The following C1GALT1 variants were observed in gnomAD, a reference collection of about 807,000 sequenced individuals.
C1GALT1 encodes glycoprotein-N-acetylgalactosamine 3-beta-galactosyltransferase 1.
In C1GALT1, 11 loss-of-function variants were observed where a neutral mutation model predicts 31.0. The observed-to-expected ratio is 0.36, with a 90% CI of 0.22 to 0.59. C1GALT1 has a LOEUF of 0.59. Among genes scored for constraint, C1GALT1 ranks in the 20% least tolerant of loss-of-function variants. The pLI, the probability that C1GALT1 is intolerant of heterozygous loss-of-function variation, is 0.79. For missense variants in C1GALT1, 424 were observed against 425.2 expected (o/e 1.00, Z 0.03); for synonymous variants, 175 against 143.6 (o/e 1.22, Z -1.56).
At chr7:7,202,025 T>C (rs1781549620) in intron 1 of C1GALT1, among the ~76,000 whole-genome samples, 1 of 152,246 alleles carries the variant, frequency 6.6e-6, no homozygotes, top group Non-Finnish European at 1.5e-5. Context: ...AGGGCTCTTC[T>C]GCTTCTTCCT....
At chr7:7,170,533 A>G (rs1421261805) in intron 2 of C1GALT1, among the ~76,000 whole-genome samples, 1 of 152,226 alleles carries the variant, frequency 6.6e-6, no homozygotes, top group Non-Finnish European at 1.5e-5. Flanking sequence ...CTGTAATCCC[A>G]GCACTTTGGG....
intron 1 of C1GALT1, among the ~76,000 whole-genome samples, chr7:7,199,814 T>G (rs1204158236): frequency 1.3e-5 from 2 of 152,244 alleles, no homozygotes; most frequent in Non-Finnish European, 2.9e-5. Flanking sequence ...TTGTCTCTTT[T>G]GATCTTTGTT....
upstream of C1GALT1, among the ~76,000 whole-genome samples, chr7:7,180,489 T>C (rs1365101463): frequency 6.6e-6 from 1 of 151,720 alleles, no homozygotes; most frequent in Non-Finnish European, 1.5e-5. Context: ...GTATGCAACT[T>C]TTAAAAATGA....
chr7:7,225,288 A>G (rs533630370), intron 1 of C1GALT1, among the ~76,000 whole-genome samples: 3 of 152,300 alleles, frequency 2.0e-5, no homozygotes, highest in Admixed American at 6.5e-5. Flanking sequence ...ATTGTTTCCA[A>G]ACTGTTTCTT....
chr7:7,224,562 G>C (rs1429421901), intron 1 of C1GALT1, among the ~76,000 whole-genome samples: 1 of 152,016 alleles, frequency 6.6e-6, no homozygotes, highest in Non-Finnish European at 1.5e-5. Context: ...TGAGTGAATT[G>C]TGATGGTTTA....
intron 2 of C1GALT1, among the ~76,000 whole-genome samples, chr7:7,172,290 G>C (rs1352995889): frequency 1.3e-5 from 2 of 152,098 alleles, no homozygotes; most frequent in African/African-American, 4.8e-5. Flanking sequence ...TGGCTTCCAT[G>C]TTTTCTGATA....
At chr7:7,239,056 C>T (rs1424598740) in intron 3 of C1GALT1, 134 bp downstream of exon 3, 3 of 715,646 alleles carry the variant, frequency 4.2e-6, no homozygotes, top group Non-Finnish European at 4.5e-6. Context: ...AATAGAGTGG[C>T]AGTATAACAA....
At chr7:7,194,543 T>C (rs988101746) in intron 1 of C1GALT1, among the ~76,000 whole-genome samples, 6 of 152,174 alleles carry the variant, frequency 3.9e-5, no homozygotes, top group African/African-American at 1.4e-4. Flanking sequence ...TGGTGTGTTA[T>C]CTTTCTGATA....
intron 1 of C1GALT1, among the ~76,000 whole-genome samples, chr7:7,183,055 G>A (rs1010559098): frequency 1.2e-4 from 18 of 152,266 alleles, no homozygotes; most frequent in Non-Finnish European, 2.5e-4. Flanking sequence ...CTGCGTACCC[G>A]GCCTCAATTT....
intron 1 of C1GALT1, among the ~76,000 whole-genome samples, chr7:7,230,279 C>G (rs1043608018): frequency 6.6e-6 from 1 of 152,018 alleles, no homozygotes; most frequent in African/African-American, 2.4e-5. Context: ...AATGTTAATA[C>G]AGAAAAGTAT....
chr7:7,223,699 G>A (rs1782618800), intron 1 of C1GALT1, among the ~76,000 whole-genome samples: 1 of 152,040 alleles, frequency 6.6e-6, no homozygotes, highest in Non-Finnish European at 1.5e-5. Flanking sequence ...CTACAAATCT[G>A]CAAATAGGGA....
At chr7:7,205,647 T>A (rs1017491122) in intron 1 of C1GALT1, among the ~76,000 whole-genome samples, 3 of 152,232 alleles carry the variant, frequency 2.0e-5, no homozygotes, top group Non-Finnish European at 2.9e-5. Flanking sequence ...ATTGAATCTT[T>A]TATTAATATA....
chr7:7,163,736 A>T (rs1299464809), intron 2 of C1GALT1, among the ~76,000 whole-genome samples: 2 of 152,218 alleles, frequency 1.3e-5, no homozygotes, highest in Non-Finnish European at 2.9e-5. Flanking sequence ...AGAGAATAAA[A>T]TACCTAGGAA....
intron 2 of C1GALT1, among the ~76,000 whole-genome samples, chr7:7,175,065 A>C (rs1348225689): frequency 6.6e-6 from 1 of 152,116 alleles, no homozygotes; most frequent in Non-Finnish European, 1.5e-5. Flanking sequence ...AAAAGTGGAC[A>C]TTTGGCTCCT....
intron 1 of C1GALT1, chr7:7,183,513 T>C: frequency 1.1e-6 from 1 of 931,306 alleles, no homozygotes; most frequent in Non-Finnish European, 1.3e-6. Flanking sequence ...TTTTTTTTTT[T>C]GCTTCTGCAC....
rs1030583120 is a variant in C1GALT1, at chr7:7,247,982, A to G, written c.*4255A>G. On this transcript the variant is annotated 3_prime_UTR_variant, in exon 4 of 4. Coordinates refer to ENST00000436587, the MANE Select transcript of C1GALT1 (RefSeq NM_020156.5). Reference sequence around the variant, plus strand: ...TATGTCTACAATTATTAAAGGAAGTAAAGTTATTTGGGTTCTTCCACTCAC... The same window carrying G: ...TATGTCTACAATTATTAAAGGAAGTGAAGTTATTTGGGTTCTTCCACTCAC... 2 of 152,086 alleles carry G rather than the reference A, an allele frequency of 1.3e-5. No individual in the cohort carries two copies. The highest frequency in any genetic ancestry group is 1.3e-4 in the Admixed American group (2 of 15,280). The allele number at this position is 152,086 out of a possible 1,614,324, so 9.4% of individuals were successfully genotyped here.
chr7:7,180,758 C>A (rs775064680), upstream of C1GALT1, among the ~76,000 whole-genome samples: 6 of 152,074 alleles, frequency 3.9e-5, no homozygotes, highest in Non-Finnish European at 7.3e-5. Flanking sequence ...GGTGCCACAG[C>A]CTGTGCCTGT....
At position 7,164,299 on chromosome 7, in the gene C1GALT1, C is replaced by T. The variant is rs959074470; in HGVS notation, c.-18+6873C>T. Among the ~76,000 whole-genome samples the T allele has an allele frequency of 7.9e-4, 120 of 152,292 alleles. 2 individuals are homozygous for T. The highest frequency in any genetic ancestry group is 2.7e-3 in the African/African-American group (114 of 41,552). On this transcript the variant is annotated intron_variant, in intron 2 of 3. Coordinates refer to the C1GALT1 transcript ENST00000429911. Reference sequence around the variant, plus strand: ...CTGAAACTGGATCCCTTCCTTACACCTTTCTTCATTTCTCATGTGGAACAT... The same window carrying T: ...CTGAAACTGGATCCCTTCCTTACACTTTTCTTCATTTCTCATGTGGAACAT...
chr7:7,222,231 C>T (rs935737037), intron 1 of C1GALT1, among the ~76,000 whole-genome samples: 3 of 152,150 alleles, frequency 2.0e-5, no homozygotes, highest in Admixed American at 6.5e-5. Flanking sequence ...CTATGCTGTT[C>T]TTTGGGTTCT....
Sources: gnomAD v4.1 joint callset for allele counts (sites outside exome capture counted in the v4.1 genomes callset) on GRCh38, gnomAD v4.1.1 for gene constraint, MANE v1.5 for transcripts, NCBI Gene and HGNC (gene_info 2026-07-23, HGNC 2026-07-21) for gene names.